The following ATXN7L1 variants were observed in gnomAD, a reference collection of about 807,000 sequenced individuals.
ATXN7L1 encodes ataxin-7-like protein 1.
Under a neutral mutation model 70.8 loss-of-function variants are expected in ATXN7L1, and 15 were observed. The observed-to-expected ratio is 0.21, with a 90% CI of 0.14 to 0.33. The LOEUF (loss-of-function observed/expected upper bound fraction) is 0.33, where lower values mean the gene tolerates loss of function less well. Ranked by LOEUF, ATXN7L1 falls within the 10% of genes least tolerant of loss-of-function variation. ATXN7L1 has a pLI of 1.00. For synonymous variants in ATXN7L1, 440 were observed against 445.1 expected (o/e 0.99, Z 0.14); for missense variants, 975 against 1,097.1 (o/e 0.89, Z 1.57).
chr7:105,713,598 C>A (rs1475481752), intron 3 of ATXN7L1, among the ~76,000 whole-genome samples: 1 of 152,224 alleles, frequency 6.6e-6, no homozygotes, highest in East Asian at 1.9e-4. Context: ...GGGCCTGAGG[C>A]CCTTAAACTA....
At chr7:105,825,705 C>A (rs1224650301) in intron 2 of ATXN7L1, among the ~76,000 whole-genome samples, 1 of 152,050 alleles carries the variant, frequency 6.6e-6, no homozygotes, top group Non-Finnish European at 1.5e-5. Flanking sequence ...ACTTAGCCTT[C>A]ATCTTTTAGA....
In ATXN7L1 at chr7:105,786,015, T is replaced by C. The variant is rs545338741; in HGVS notation, c.355+2589A>G. Among the ~76,000 whole-genome samples, 3 of 152,344 alleles carry C rather than the reference T, an allele frequency of 2.0e-5. No homozygotes were observed. In the South Asian group the frequency reaches 6.2e-4, roughly 32 times the overall value. ...AATTTTTAGGGACACTAAAAAGTAC[T>C]CCCCACAAAGAGCTACAATGGTTCT... On this transcript the variant is annotated intron_variant, in intron 3 of 11. Transcript: ENST00000419735.
At chr7:105,761,402 T>C in intron 3 of ATXN7L1, 2 of 1,614,210 alleles carry the variant, frequency 1.2e-6, no homozygotes, top group Non-Finnish European at 1.7e-6. Context: ...TCTCTATGGC[T>C]TGGCTGCTCT....
At position 105,651,895 on chromosome 7, in the gene ATXN7L1, C is replaced by T. The variant is rs116993031; in HGVS notation, c.579-8774G>A. On this transcript the variant is annotated intron_variant, in intron 4 of 11. Transcript: ENST00000419735. ...CCCAGAGAAATAACTCTATAAGCCC[C>T]CCTCTAGGCTGCTCCAATTTTCTGG... Among the ~76,000 whole-genome samples, 845 of 152,308 alleles carry T rather than the reference C, an allele frequency of 5.5e-3. 6 individuals carry two copies. Among genetic ancestry groups the T allele is most frequent in the Non-Finnish European group, 8.2e-3 (559 of 68,024 alleles).
At chr7:105,652,974 G>A (rs1397098277) in intron 4 of ATXN7L1, among the ~76,000 whole-genome samples, 2 of 152,026 alleles carry the variant, frequency 1.3e-5, no homozygotes, top group Non-Finnish European at 2.9e-5. Flanking sequence ...TTCTGGGCAG[G>A]CAGCCTTGCA....
At chr7:105,721,729 G>A (rs1273110229) in intron 3 of ATXN7L1, among the ~76,000 whole-genome samples, 1 of 152,248 alleles carries the variant, frequency 6.6e-6, no homozygotes, top group Non-Finnish European at 1.5e-5. Context: ...GGGGCTGGTG[G>A]CAGTCTCAGC....
At chr7:105,647,419 G>C (rs919129580) in intron 4 of ATXN7L1, among the ~76,000 whole-genome samples, 1 of 152,164 alleles carries the variant, frequency 6.6e-6, no homozygotes, top group East Asian at 1.9e-4. Flanking sequence ...AGGCTGAGGC[G>C]AGTGGATCAC....
Position 105,667,468 on chromosome 7 carries a change from G to C in ATXN7L1, c.356-2180C>G, listed in dbSNP as rs1802799825. 4.1e-5 allele frequency among the ~76,000 whole-genome samples: 4 copies of C among 98,232 alleles called. 1 individual carries two copies. The highest frequency in any genetic ancestry group is 1.2e-4 in the Admixed American group (1 of 8,610). The allele number at this position is 98,232 out of a possible 152,430, so 64.4% of individuals were successfully genotyped here. ...TAATCCCAGCACTTTGGGAGGCCGA[G>C]GCGGGCGGATCACGAGGTCAGGAGA... On this transcript the variant is annotated intron_variant, in intron 3 of 11. Coordinates refer to ENST00000419735, the MANE Select transcript of ATXN7L1 (RefSeq NM_020725.2).
At chr7:105,788,373 G>A (rs949932689) in intron 3 of ATXN7L1, 40 of 516,146 alleles carry the variant, frequency 7.7e-5, no homozygotes, top group Admixed American at 2.2e-4. Flanking sequence ...CCCATCGACC[G>A]AGACAAGTTG....
intron 4 of ATXN7L1, among the ~76,000 whole-genome samples, chr7:105,656,361 T>C (rs1466016806): frequency 6.6e-6 from 1 of 152,172 alleles, no homozygotes; most frequent in Non-Finnish European, 1.5e-5. Context: ...ACTACATAGA[T>C]GTCAACACTG....
At chr7:105,671,809 G>A (rs1401229126) in intron 3 of ATXN7L1, among the ~76,000 whole-genome samples, 1 of 139,818 alleles carries the variant, frequency 7.2e-6, no homozygotes, top group African/African-American at 2.7e-5. Flanking sequence ...AGGATTGCTT[G>A]AGCCTGGGAG....
At chr7:105,745,482 C>T (rs1245130514) in intron 3 of ATXN7L1, among the ~76,000 whole-genome samples, 1 of 152,194 alleles carries the variant, frequency 6.6e-6, no homozygotes, top group Non-Finnish European at 1.5e-5. Flanking sequence ...AATAACATTA[C>T]AGCTGGAAGG....
At chr7:105,811,459 G>A (rs1022026489) in intron 2 of ATXN7L1, among the ~76,000 whole-genome samples, 3 of 152,170 alleles carry the variant, frequency 2.0e-5, no homozygotes, top group African/African-American at 7.2e-5. Flanking sequence ...CTAGTTTGTG[G>A]TACTTTGTTG....
chr7:105,785,707 T>A (rs1220286458), intron 3 of ATXN7L1, among the ~76,000 whole-genome samples: 1 of 152,120 alleles, frequency 6.6e-6, no homozygotes, highest in African/African-American at 2.4e-5. Context: ...TTGGAGATAA[T>A]TAGGTCATGA....
chr7:105,774,541 C>T (rs769488583), intron 3 of ATXN7L1, among the ~76,000 whole-genome samples: 8 of 151,818 alleles, frequency 5.3e-5, no homozygotes, highest in Non-Finnish European at 1.0e-4. Flanking sequence ...TTAGTAGAGA[C>T]GGGGTTTTGC....
intron 4 of ATXN7L1, among the ~76,000 whole-genome samples, chr7:105,663,003 C>G (rs2116053979): frequency 6.6e-6 from 1 of 152,288 alleles, no homozygotes; most frequent in African/African-American, 2.4e-5. Flanking sequence ...GAAATGGAAG[C>G]ACAATAAGAT....
At chr7:105,719,513 T>A (rs751777472) in intron 3 of ATXN7L1, among the ~76,000 whole-genome samples, 1 of 152,152 alleles carries the variant, frequency 6.6e-6, no homozygotes, top group Non-Finnish European at 1.5e-5. Context: ...TTCACTGGGT[T>A]GAGATTCCCT....
At chr7:105,630,150 C>T (rs1354966475) in intron 7 of ATXN7L1, among the ~76,000 whole-genome samples, 1 of 152,158 alleles carries the variant, frequency 6.6e-6, no homozygotes, top group African/African-American at 2.4e-5. Context: ...GCATTCATCC[C>T]TCAATGAACA....
At chr7:105,842,286 G>A (rs1813334391) in intron 2 of ATXN7L1, among the ~76,000 whole-genome samples, 1 of 151,556 alleles carries the variant, frequency 6.6e-6, no homozygotes, top group Non-Finnish European at 1.5e-5. Flanking sequence ...AATTCAATGT[G>A]TAATCCTCAA....
Sources: allele counts gnomAD v4.1 joint callset (sites outside exome capture counted in the v4.1 genomes callset), GRCh38; gene constraint gnomAD v4.1.1; transcripts MANE v1.5; gene names NCBI Gene and HGNC (gene_info 2026-07-23, HGNC 2026-07-21).